Variants in RPA2 observed in about 807,000 individuals in gnomAD.
RPA2 encodes the protein replication protein A2, also known as replication protein A 32 kDa subunit.
In RPA2, 22 loss-of-function variants were observed where a neutral mutation model predicts 33.4. The observed-to-expected ratio is 0.66, with a 90% CI of 0.47 to 0.94. The LOEUF (loss-of-function observed/expected upper bound fraction) is 0.94. Ranked by LOEUF, RPA2 falls within the 40% of genes least tolerant of loss-of-function variation. The probability of loss-of-function intolerance (pLI) is 0.00; values close to 1 mark genes in which losing one functional copy is unlikely to be tolerated. For missense variants in RPA2, 279 were observed against 329.9 expected (o/e 0.85, Z 1.19); for synonymous variants, 109 against 114.9 (o/e 0.95, Z 0.33).
intron 2 of RPA2, 131 bp downstream of exon 2, chr1:27,913,932 G>T: frequency 1.2e-6 from 1 of 860,306 alleles, no homozygotes; most frequent in Non-Finnish European, 1.7e-6. Flanking sequence ...TATAAGAGAT[G>T]CAGATAATAA....
intron 2 of RPA2, among the ~76,000 whole-genome samples, chr1:27,913,173 G>A (rs1404311048): frequency 2.0e-5 from 3 of 151,558 alleles, no homozygotes; most frequent in Middle Eastern, 6.8e-3. Context: ...GGCTGGTCAG[G>A]AACTCCTGAT....
Position 27,894,026 on chromosome 1 carries a change from A to C in RPA2, c.714T>G (p.Ser238=), listed in dbSNP as rs1216765550. 1 of 1,613,714 alleles carries C rather than the reference A, an allele frequency of 6.2e-7. No individual in the cohort carries two copies. Among genetic ancestry groups the C allele is most frequent in the African/African-American group, 1.3e-5 (1 of 74,940 alleles). The change falls in exon 8 of 9, where the codon TCT becomes TCG. Residue 238 remains serine (S), a synonymous_variant. Transcript: ENST00000373912. ...CAAATACTTACTTGATTGAGGATAC[A>C]GACATGTGTTTCAGCTGGTTCTTGA... ...QDLKNQLKHM[S]VSSIKQAVDF... is the part of the protein sequence containing the mutation.
Position 27,907,186 on chromosome 1 carries a change from A to G in RPA2, c.214T>C (p.Ser72Pro). 6.2e-7 allele frequency: 1 copy of G among 1,612,860 alleles called. No individual in the cohort carries two copies. Among genetic ancestry groups the G allele is most frequent in the Non-Finnish European group, 8.5e-7 (1 of 1,179,434 alleles). The part of the protein sequence containing the change: ...EVFRIGNVEI[S>P]QVTIVGIIRH... ...TCACAAATTATTTGACATACCTGTG[A>G]AATCTCAACATTCCCAATTCTGAAC... Residue 72 changes from serine (S) to proline (P), a missense_variant, in exon 3 of 9, where the codon TCA becomes CCA. This residue lies in a region of RPA2 where 274 missense variants were observed against 310.3 expected (regional missense o/e 0.88). Coordinates refer to ENST00000373912, the MANE Select transcript of RPA2 (RefSeq NM_002946.5).
chr1:27,897,773 C>T, intron 4 of RPA2, 66 bp from the exon 5 acceptor site: 1 of 1,154,634 alleles, frequency 8.7e-7, no homozygotes, highest in Admixed American at 2.4e-5. Context: ...TTTAACGTTT[C>T]TATATTATGT....
At chr1:27,899,513 G>GAAAAAAAAAAAAA (rs67126026) in intron 4 of RPA2, among the ~76,000 whole-genome samples, 5 of 107,554 alleles carry the variant, frequency 4.6e-5, no homozygotes, top group East Asian at 2.8e-4. Flanking sequence ...AAAAAAAAAA[G>GAAAAAAAAAAAAA]AAAAAAAAAA....
chr1:27,913,924 T>C, intron 2 of RPA2, 139 bp downstream of exon 2: 1 of 833,640 alleles, frequency 1.2e-6, no homozygotes, highest in Non-Finnish European at 1.7e-6. Flanking sequence ...CACTTAATTA[T>C]AAGAGATGCA....
chr1:27,911,382 G>A (rs1402651799), intron 2 of RPA2, among the ~76,000 whole-genome samples: 4 of 152,016 alleles, frequency 2.6e-5, no homozygotes, highest in Non-Finnish European at 1.5e-5. Flanking sequence ...AAAAAATTCA[G>A]AGACTGGGAT....
At chr1:27,894,128 A>AT (rs1215645718) in intron 7 of RPA2, 22 bp from the exon 8 acceptor site, 1 of 1,606,624 alleles carries the variant, frequency 6.2e-7, no homozygotes, top group Non-Finnish European at 8.5e-7. Flanking sequence ...AATCAGAAAG[A>AT]TTTTAGCAAT....
At chr1:27,909,050 C>T (rs899027948) in intron 2 of RPA2, among the ~76,000 whole-genome samples, 1 of 152,070 alleles carries the variant, frequency 6.6e-6, no homozygotes, top group African/African-American at 2.4e-5. Context: ...CTCTGAAGCA[C>T]GAGAATTTCA....
chr1:27,903,864 T>TAA (rs34163774), intron 4 of RPA2, among the ~76,000 whole-genome samples: 6 of 92,840 alleles, frequency 6.5e-5, no homozygotes, highest in East Asian at 6.4e-4. Flanking sequence ...TGTCTCTATT[T>TAA]AAAAAAAAAA....
intron 4 of RPA2, among the ~76,000 whole-genome samples, chr1:27,906,431 G>A (rs2090029475): frequency 6.6e-6 from 1 of 151,932 alleles, no homozygotes; most frequent in Admixed American, 6.6e-5. Context: ...GCTCAAGCCT[G>A]TAATAATCCC....
At chr1:27,897,762 C>G in intron 4 of RPA2, 55 bp from the exon 5 acceptor site, 1 of 1,289,146 alleles carries the variant, frequency 7.8e-7, no homozygotes, top group Non-Finnish European at 1.1e-6. Flanking sequence ...GTAAAAGCCT[C>G]TTTAACGTTT....
At chr1:27,905,648 TCTG>T (rs1336707927) in intron 4 of RPA2, among the ~76,000 whole-genome samples, 4 of 151,722 alleles carry the variant, frequency 2.6e-5, no homozygotes. Flanking sequence ...GCTGTGGAGT[TCTG>T]CTAGGTCACC....
chr1:27,899,892 G>C (rs2089945945), intron 4 of RPA2, among the ~76,000 whole-genome samples: 1 of 152,148 alleles, frequency 6.6e-6, no homozygotes, highest in Admixed American at 6.5e-5. Context: ...CTGTTAACCA[G>C]GATGGTCTCG....
rs113043932 is a variant in RPA2, at chr1:27,893,888, C to T, written c.728+124G>A. The T allele has an allele frequency of 9.5e-3, 6,903 of 729,960 alleles. 86 individuals are homozygous for T. Among genetic ancestry groups the T allele is most frequent in the South Asian group, 0.027 (1,522 of 56,960 alleles). 45.2% of individuals were successfully genotyped at this position (729,960 alleles called of 1,614,324 possible). The stretch of plus-strand genomic sequence containing the variant: ...CCTCCCAAAGTGCTGAGATTACAGG[C>T]GTGAGCCACCATGCCCGGCTGCCAA... On this transcript the variant is annotated intron_variant, in intron 8 of 8. Transcript: ENST00000373912.
chr1:27,902,118 G>A (rs1412188308), intron 4 of RPA2, among the ~76,000 whole-genome samples: 1 of 151,650 alleles, frequency 6.6e-6, no homozygotes, highest in African/African-American at 2.4e-5. Flanking sequence ...ATGGAATATT[G>A]CTCTGATGCC....
chr1:27,896,810 A>G (rs1055231737), intron 6 of RPA2, among the ~76,000 whole-genome samples, 195 bp downstream of exon 6: 1 of 152,194 alleles, frequency 6.6e-6, no homozygotes, highest in African/African-American at 2.4e-5. Flanking sequence ...AGGAACTCCT[A>G]ATTCTGAGAG....
chr1:27,905,079 A>C (rs2090011822), intron 4 of RPA2, among the ~76,000 whole-genome samples: 1 of 152,192 alleles, frequency 6.6e-6, no homozygotes. Flanking sequence ...ATTTCAGTCT[A>C]TTTTATCCAT....
chr1:27,897,219 C>T (rs2089904374), intron 5 of RPA2, 98 bp from the exon 6 acceptor site: 2 of 804,540 alleles, frequency 2.5e-6, no homozygotes, highest in Admixed American at 4.8e-5. Context: ...ATTAATATTT[C>T]ACCAATATGA....
Sources: allele counts gnomAD v4.1 joint callset (sites outside exome capture counted in the v4.1 genomes callset), GRCh38; gene constraint gnomAD v4.1.1; regional missense constraint gnomAD v4.1.1; transcripts MANE v1.5; gene names NCBI Gene and HGNC (gene_info 2026-07-23, HGNC 2026-07-21).